TAPT1: variants seen among roughly 807,000 people sequenced by gnomAD.
TAPT1 encodes transmembrane anterior posterior transformation 1.
TAPT1 carries 28 observed loss-of-function variants against 65.6 expected under a neutral mutation model. That is an observed-to-expected ratio of 0.43 (90% CI 0.32 to 0.59). The LOEUF (loss-of-function observed/expected upper bound fraction) is 0.59. Among genes scored for constraint, TAPT1 ranks in the 20% least tolerant of loss-of-function variants. TAPT1 has a pLI of 0.09. For missense variants in TAPT1, 563 were observed against 679.9 expected (o/e 0.83, Z 1.91); for synonymous variants, 278 against 245.2 (o/e 1.13, Z -1.25).
chr4:16,163,298 A>T lies in TAPT1; in HGVS notation c.*10T>A, dbSNP rs776515810. The T allele has an allele frequency of 1.9e-6, 3 of 1,609,552 alleles. No individual in the cohort carries two copies. The highest frequency in any genetic ancestry group is 2.6e-6 in the Non-Finnish European group (3 of 1,175,760). Reference sequence around the variant, plus strand: ...AGGACCCAGCTTCTTCAGCGCATGAAGCCACAGATTCAGTCAATTCGGTTT... The same window carrying T: ...AGGACCCAGCTTCTTCAGCGCATGATGCCACAGATTCAGTCAATTCGGTTT... On this transcript the variant is annotated 3_prime_UTR_variant, in exon 14 of 14. Transcript: ENST00000405303.
intron 4 of TAPT1, among the ~76,000 whole-genome samples, chr4:16,188,716 T>C (rs541218591): frequency 3.3e-5 from 5 of 151,908 alleles, no homozygotes; most frequent in African/African-American, 7.3e-5. Flanking sequence ...GTCAGGAGAT[T>C]GAGACCATCC....
At chr4:16,221,341 G>T (rs1261155120) in intron 1 of TAPT1, among the ~76,000 whole-genome samples, 3 of 151,668 alleles carry the variant, frequency 2.0e-5, no homozygotes, top group Non-Finnish European at 4.4e-5. Flanking sequence ...GCCCATACTG[G>T]TCTCGAACTA....
At position 16,174,216 on chromosome 4, in the gene TAPT1, T is replaced by C; in HGVS notation, c.1224A>G (p.Pro408=). The change falls in exon 11 of 14, where the codon CCA becomes CCG. Residue 408 remains proline (P), a synonymous_variant. Transcript: ENST00000405303. ...VARRMGFIPL[P]LAVLLIRVVT... is the part of the protein sequence containing the mutation. ...AGTATGCACTTACTAAAACAGCTAG[T>C]GGGAGAGGAATAAAGCCCATCCTCC... 1 of 1,606,674 alleles carries C rather than the reference T, an allele frequency of 6.2e-7. No homozygotes were observed. The highest frequency in any genetic ancestry group is 8.5e-7 in the Non-Finnish European group (1 of 1,176,452).
At position 16,163,405 on chromosome 4, in the gene TAPT1, T is replaced by C. The variant is rs1427878367; in HGVS notation, c.1607A>G (p.Asp536Gly). The change falls in exon 14 of 14, where the codon GAC (aspartate) becomes GGC (glycine). Residue 536 changes from aspartate (D) to glycine (G), a missense_variant. This residue lies in a region of TAPT1 where 136 missense variants were observed against 153.9 expected (regional missense o/e 0.88). Coordinates refer to ENST00000405303, the MANE Select transcript of TAPT1 (RefSeq NM_153365.3). ...TAATTCAGAATTGTCCTGCGTTATG[T>C]CCTTCTCGTCACCATCTGGAGTTGT... Reference protein sequence around the residue: ...FLTTPDGDEKDITQDNSELKH... With the variant: ...FLTTPDGDEKGITQDNSELKH... 6.2e-7 allele frequency: 1 copy of C among 1,614,004 alleles called. No homozygotes were observed. Among genetic ancestry groups the C allele is most frequent in the East Asian group, 2.2e-5 (1 of 44,880 alleles).
At chr4:16,184,194 C>T (rs928617153) in intron 7 of TAPT1, among the ~76,000 whole-genome samples, 1 of 152,114 alleles carries the variant, frequency 6.6e-6, no homozygotes, top group African/African-American at 2.4e-5. Flanking sequence ...AAATGCCCAA[C>T]AAACAACCTC....
At chr4:16,226,119 C>T (rs1270526245) in intron 1 of TAPT1, 140 bp downstream of exon 1, 2 of 1,030,356 alleles carry the variant, frequency 1.9e-6, no homozygotes, top group Non-Finnish European at 2.3e-6. Context: ...TCGGCGGCTC[C>T]GCGCGCCCAC....
In TAPT1 at chr4:16,174,709, G is replaced by A. The variant is rs750675925; in HGVS notation, c.1128C>T (p.Ala376=). ...ITADVYSEYR[A]SLAFDLVSSR... Reference sequence around the variant, plus strand: ...TGCTAACAAGGTCAAAAGCAAGACTGGCTCTATATTCACTGTAGACCTAAA... The same window carrying A: ...TGCTAACAAGGTCAAAAGCAAGACTAGCTCTATATTCACTGTAGACCTAAA... The change falls in exon 10 of 14, where the codon GCC becomes GCT. Residue 376 remains alanine, a synonymous_variant. Transcript: ENST00000405303. 8 of 1,591,268 alleles carry A rather than the reference G, an allele frequency of 5.0e-6. No homozygotes were observed. The highest frequency in any genetic ancestry group is 6.8e-6 in the Non-Finnish European group (8 of 1,168,218).
chr4:16,210,621 C>G (rs1158047889), intron 2 of TAPT1, among the ~76,000 whole-genome samples: 1 of 152,206 alleles, frequency 6.6e-6, no homozygotes, highest in Non-Finnish European at 1.5e-5. Flanking sequence ...CACAGCCAAT[C>G]AACTGTGAAG....
chr4:16,187,894 T>G lies in TAPT1; in HGVS notation c.748+326A>C, dbSNP rs149268095. Among the ~76,000 whole-genome samples, 557 of 152,304 alleles carry G rather than the reference T, an allele frequency of 3.7e-3. 3 individuals carry two copies. The highest frequency in any genetic ancestry group is 0.013 in the African/African-American group (522 of 41,572). ...TTAAAGATAACTTCAAGAAAAATTC[T>G]AACATAAGTACGAAAAATTATATAG... On this transcript the variant is annotated intron_variant, in intron 5 of 13. Coordinates refer to ENST00000405303, the MANE Select transcript of TAPT1 (RefSeq NM_153365.3).
intron 3 of TAPT1, among the ~76,000 whole-genome samples, chr4:16,191,909 A>G (rs1250793854): frequency 6.6e-6 from 1 of 152,230 alleles, no homozygotes; most frequent in Non-Finnish European, 1.5e-5. Context: ...GCTACATTCT[A>G]TGCATACTGC....
chr4:16,191,559 T>C (rs1339943702), intron 3 of TAPT1, 36 bp from the exon 4 acceptor site: 10 of 1,535,976 alleles, frequency 6.5e-6, no homozygotes, highest in African/African-American at 1.4e-5. Flanking sequence ...ATATAATTTT[T>C]ACTCTGTATG....
At chr4:16,174,305 T>G in intron 10 of TAPT1, 33 bp from the exon 11 acceptor site, 2 of 1,558,956 alleles carry the variant, frequency 1.3e-6, no homozygotes, top group Non-Finnish European at 8.7e-7. Flanking sequence ...GATTCAGATT[T>G]ATGGGATTTA....
At chr4:16,175,607 A>G (rs77502958) in intron 9 of TAPT1, among the ~76,000 whole-genome samples, 1,990 of 152,270 alleles carry the variant, frequency 0.013, 42 homozygotes, top group African/African-American at 0.045. Context: ...ATAGCCACAT[A>G]TCTATTTCTA....
At chr4:16,178,191 A>G (rs1405196221) in intron 8 of TAPT1, among the ~76,000 whole-genome samples, 1 of 152,170 alleles carries the variant, frequency 6.6e-6, no homozygotes. Flanking sequence ...AAATTTGGGT[A>G]CACAAAGAAT....
intron 7 of TAPT1, 119 bp downstream of exon 7, chr4:16,186,416 A>G (rs1463720312): frequency 9.5e-6 from 6 of 632,034 alleles, no homozygotes; most frequent in African/African-American, 5.6e-5. Context: ...TGTTGATAGC[A>G]TAAGAGAAGG....
intron 13 of TAPT1, among the ~76,000 whole-genome samples, chr4:16,164,635 T>C: frequency 6.6e-6 from 1 of 152,330 alleles, no homozygotes; most frequent in Admixed American, 6.5e-5. Flanking sequence ...CTCACTAGGT[T>C]GCCCAGGCTG....
chr4:16,183,495 A>G (rs1454007980), intron 7 of TAPT1, among the ~76,000 whole-genome samples: 2 of 152,190 alleles, frequency 1.3e-5, no homozygotes, highest in African/African-American at 4.8e-5. Flanking sequence ...GTTTATAAAA[A>G]TGAAAAGGGG....
intron 3 of TAPT1, among the ~76,000 whole-genome samples, chr4:16,198,705 C>T (rs984416561): frequency 3.3e-5 from 5 of 152,152 alleles, no homozygotes; most frequent in East Asian, 1.9e-4. Context: ...GACATCACTA[C>T]AGGCAAGACA....
At chr4:16,204,064 G>A (rs1480746244) in intron 2 of TAPT1, among the ~76,000 whole-genome samples, 1 of 152,228 alleles carries the variant, frequency 6.6e-6, no homozygotes, top group East Asian at 1.9e-4. Context: ...AGGAGGCTGA[G>A]CAAGGTCCAT....
Sources: allele counts gnomAD v4.1 joint callset (sites outside exome capture counted in the v4.1 genomes callset), GRCh38; gene constraint gnomAD v4.1.1; regional missense constraint gnomAD v4.1.1; transcripts MANE v1.5; gene names NCBI Gene and HGNC (gene_info 2026-07-23, HGNC 2026-07-21).